Variants in RASA1 observed in about 807,000 individuals in gnomAD.
The protein encoded by RASA1 is ras GTPase-activating protein 1.
A neutral mutation model predicts 132.2 loss-of-function variants in RASA1; 25 were observed. The ratio of observed to expected loss-of-function variants is 0.19; its 90% CI spans 0.14 to 0.26. The LOEUF (loss-of-function observed/expected upper bound fraction) is 0.26, where lower values mean the gene tolerates loss of function less well. Among genes scored for constraint, RASA1 ranks in the 10% least tolerant of loss-of-function variants. RASA1 has a pLI of 1.00. For missense variants in RASA1, 964 were observed against 1,299.2 expected (o/e 0.74, Z 3.97); for synonymous variants, 477 against 449.9 (o/e 1.06, Z -0.76).
chr5:87,375,046 T>A (rs1761228264), intron 15 of RASA1, 130 bp downstream of exon 15: 2 of 1,220,072 alleles, frequency 1.6e-6, no homozygotes, highest in African/African-American at 3.1e-5. Context: ...GATAGTTTCT[T>A]TCTGTACTTC....
intron 18 of RASA1, 71 bp from the exon 19 acceptor site, chr5:87,379,664 C>G (rs985867892): frequency 6.4e-7 from 1 of 1,570,450 alleles, no homozygotes; most frequent in Admixed American, 1.8e-5. Context: ...ACTATAACTA[C>G]TTGTTTTCCT....
chr5:87,390,351 A>T (rs1762410086), intron 24 of RASA1, among the ~76,000 whole-genome samples: 1 of 152,134 alleles, frequency 6.6e-6, no homozygotes, highest in Admixed American at 6.6e-5. Flanking sequence ...TGTAGAAGGG[A>T]TTAAAGCATT....
At chr5:87,311,255 A>AG (rs1473550116) in intron 1 of RASA1, among the ~76,000 whole-genome samples, 1 of 152,198 alleles carries the variant, frequency 6.6e-6, no homozygotes, top group East Asian at 1.9e-4. Context: ...TGTCACTTCA[A>AG]GGAAAAAAAC....
chr5:87,366,020 A>C lies in RASA1; in HGVS notation c.1610+2516A>C, dbSNP rs541330610. On this transcript the variant is annotated intron_variant, in intron 11 of 24. Transcript: ENST00000274376. ...TCAAAATACCTACTGTTGGATGCTG[A>C]AGTATGTTACCTGTCCAAAAGAAAA... Among the ~76,000 whole-genome samples the C allele has an allele frequency of 1.6e-3, 238 of 152,314 alleles. 1 individual carries two copies. Among genetic ancestry groups the C allele is most frequent in the Middle Eastern group, 0.01 (3 of 294 alleles).
intron 23 of RASA1, chr5:87,389,192 A>T: frequency 4.0e-6 from 2 of 501,956 alleles, no homozygotes; most frequent in Admixed American, 3.3e-5. Context: ...TTAGCTGGGC[A>T]TGGTGGCAGG....
intron 22 of RASA1, among the ~76,000 whole-genome samples, chr5:87,385,603 G>A (rs1023612315): frequency 7.2e-5 from 11 of 151,984 alleles, no homozygotes; most frequent in South Asian, 2.1e-4. Flanking sequence ...TATAGAAAAC[G>A]AATTTTTCAA....
intron 1 of RASA1, among the ~76,000 whole-genome samples, chr5:87,285,612 C>CTT (rs1222314606): frequency 1.4e-5 from 2 of 139,282 alleles, no homozygotes; most frequent in African/African-American, 5.4e-5. Context: ...GTCTCTTTTT[C>CTT]TTTTTCTTTT....
At chr5:87,337,669 A>C (rs1428711496) in intron 4 of RASA1, among the ~76,000 whole-genome samples, 3 of 152,158 alleles carry the variant, frequency 2.0e-5, no homozygotes, top group Non-Finnish European at 2.9e-5. Context: ...CAATATATGT[A>C]CAATCAGTTT....
At chr5:87,373,482 A>T (rs1486021456) in intron 13 of RASA1, among the ~76,000 whole-genome samples, 1 of 152,062 alleles carries the variant, frequency 6.6e-6, no homozygotes, top group Non-Finnish European at 1.5e-5. Flanking sequence ...CTGAGGGATA[A>T]CTAGTTTGTA....
chr5:87,390,508 G>C (rs1032473703), intron 24 of RASA1, among the ~76,000 whole-genome samples: 3 of 151,184 alleles, frequency 2.0e-5, no homozygotes, highest in South Asian at 4.2e-4. Flanking sequence ...TTTTAAAAGA[G>C]AGATAAACTG....
chr5:87,279,973 G>A (rs369442852), intron 1 of RASA1, among the ~76,000 whole-genome samples: 11 of 152,248 alleles, frequency 7.2e-5, no homozygotes, highest in African/African-American at 2.7e-4. Flanking sequence ...CAGGGAGGCT[G>A]CTAGCCTGAG....
intron 5 of RASA1, among the ~76,000 whole-genome samples, chr5:87,338,537 T>TATATATATATATATATATA (rs1421369290): frequency 3.8e-5 from 3 of 79,792 alleles, no homozygotes; most frequent in Non-Finnish European, 8.0e-5. Flanking sequence ...ATATATAAAA[T>TATATATATATATATATATA]TTTTTTTTTT....
chr5:87,354,720 G>A (rs1044269407), intron 9 of RASA1, among the ~76,000 whole-genome samples: 2 of 152,304 alleles, frequency 1.3e-5, no homozygotes, highest in Non-Finnish European at 2.9e-5. Flanking sequence ...CATGGTGAAA[G>A]CCAAAATAGG....
At chr5:87,284,245 C>T (rs960284423) in intron 1 of RASA1, among the ~76,000 whole-genome samples, 1 of 152,064 alleles carries the variant, frequency 6.6e-6, no homozygotes, top group African/African-American at 2.4e-5. Context: ...TTTAATTAAA[C>T]CATTGTTAGC....
intron 13 of RASA1, 71 bp from the exon 14 acceptor site, chr5:87,374,092 A>C: frequency 7.3e-6 from 9 of 1,228,292 alleles, no homozygotes; most frequent in Non-Finnish European, 9.3e-6. Context: ...TCTTAGAGTA[A>C]TTGCTTTTGA....
chr5:87,336,825 CT>C (rs1758008623), intron 4 of RASA1, among the ~76,000 whole-genome samples: 1 of 151,908 alleles, frequency 6.6e-6, no homozygotes, highest in African/African-American at 2.4e-5. Context: ...TGCCATTCAG[CT>C]AGTGAAATAT....
At chr5:87,375,522 A>C (rs1761267247) in intron 15 of RASA1, among the ~76,000 whole-genome samples, 1 of 152,168 alleles carries the variant, frequency 6.6e-6, no homozygotes, top group African/African-American at 2.4e-5. Flanking sequence ...CGGCCTCCCA[A>C]AATGCTGGGA....
chr5:87,378,714 A>T (rs972850154), intron 18 of RASA1, among the ~76,000 whole-genome samples, 176 bp downstream of exon 18: 1 of 152,232 alleles, frequency 6.6e-6, no homozygotes, highest in Non-Finnish European at 1.5e-5. Flanking sequence ...GACTTCTTAA[A>T]AAAGATGTAC....
chr5:87,374,047 AAAG>A, intron 13 of RASA1, 113 bp from the exon 14 acceptor site: 6 of 941,176 alleles, frequency 6.4e-6, no homozygotes, highest in Non-Finnish European at 8.2e-6. Flanking sequence ...TTCTGAAAAA[AAAG>A]GGGAAAATAA....
Sources: gnomAD v4.1 joint callset for allele counts (sites outside exome capture counted in the v4.1 genomes callset) on GRCh38, gnomAD v4.1.1 for gene constraint, MANE v1.5 for transcripts, NCBI Gene and HGNC (gene_info 2026-07-23, HGNC 2026-07-21) for gene names.